Variants in AGBL3 observed in about 807,000 individuals in gnomAD.
The protein encoded by AGBL3 is AGBL carboxypeptidase 3, also known as cytosolic carboxypeptidase 3.
A neutral mutation model predicts 94.5 loss-of-function variants in AGBL3; 68 were observed. The observed-to-expected ratio is 0.72, with a 90% confidence interval of 0.59 to 0.88. The LOEUF is 0.88. Ranked by LOEUF, AGBL3 falls within the 40% of genes least tolerant of loss-of-function variation. AGBL3 has a pLI of 0.00. For missense variants in AGBL3, 934 were observed against 1,103.8 expected, an observed-to-expected ratio of 0.85 and a Z score of 2.18; for synonymous variants, 354 against 370.7, an observed-to-expected ratio of 0.95 and a Z score of 0.52.
intron 15 of AGBL3, among the ~76,000 whole-genome samples, chr7:135,112,525 C>T (rs1416786762): frequency 1.3e-5 from 2 of 152,198 alleles, no homozygotes; most frequent in Admixed American, 1.3e-4. Flanking sequence ...AGATGACTGT[C>T]CTTTTTTACT....
intron 15 of AGBL3, among the ~76,000 whole-genome samples, chr7:135,111,229 T>G (rs1825595905): frequency 6.6e-6 from 1 of 152,178 alleles, no homozygotes; most frequent in African/African-American, 2.4e-5. Flanking sequence ...GTGCTCTAGA[T>G]CCCATGTCCA....
chr7:135,067,855 G>C (rs1443327138), intron 12 of AGBL3, among the ~76,000 whole-genome samples: 1 of 152,196 alleles, frequency 6.6e-6, no homozygotes, highest in Non-Finnish European at 1.5e-5. Flanking sequence ...AAGGAACGCA[G>C]CTCCTCACCA....
intron 5 of AGBL3, among the ~76,000 whole-genome samples, 197 bp from the exon 6 acceptor site, chr7:135,032,647 C>T (rs10280894): frequency 0.027 from 4,154 of 152,002 alleles, 159 homozygotes; most frequent in African/African-American, 0.083. Flanking sequence ...AAGAAATATA[C>T]AAATTTATTT....
chr7:135,134,665 TA>T (rs200672886), intron 16 of AGBL3, among the ~76,000 whole-genome samples, 175 bp from the exon 17 acceptor site: 62 of 148,978 alleles, frequency 4.2e-4, no homozygotes, highest in South Asian at 6.3e-4. Flanking sequence ...GGAATAGTGC[TA>T]AAAAAAAAAT....
intron 11 of AGBL3, among the ~76,000 whole-genome samples, chr7:135,058,109 A>G (rs999442138): frequency 5.3e-5 from 8 of 152,198 alleles, no homozygotes; most frequent in East Asian, 1.9e-4. Flanking sequence ...TGTTTAATCA[A>G]TTGTAACAAA....
intron 12 of AGBL3, among the ~76,000 whole-genome samples, chr7:135,062,712 C>T (rs975461022): frequency 1.3e-5 from 2 of 152,116 alleles, no homozygotes; most frequent in African/African-American, 4.8e-5. Context: ...TGGGATGAAT[C>T]TCACTTGATC....
intron 15 of AGBL3, among the ~76,000 whole-genome samples, chr7:135,104,630 G>A (rs1824372436): frequency 6.6e-6 from 1 of 152,142 alleles, no homozygotes; most frequent in Admixed American, 6.5e-5. Flanking sequence ...TCTGACTGCT[G>A]TGAGATGGTA....
intron 5 of AGBL3, among the ~76,000 whole-genome samples, chr7:135,026,244 A>ATTATTTTATTTTATTTTATTTTTAT (rs1815088769): frequency 1.2e-5 from 1 of 81,464 alleles, no homozygotes; most frequent in Non-Finnish European, 2.7e-5. Context: ...AATGAATACC[A>ATTATTTTATTTTATTTTATTTTTAT]TTATTTTATT....
At chr7:135,007,583 C>T (rs1812551116) in intron 4 of AGBL3, among the ~76,000 whole-genome samples, 1 of 151,938 alleles carries the variant, frequency 6.6e-6, no homozygotes, top group Non-Finnish European at 1.5e-5. Flanking sequence ...AGACTAGATG[C>T]TTTCCCCATA....
At chr7:135,129,000 G>A in intron 16 of AGBL3, 1 of 1,599,750 alleles carries the variant, frequency 6.3e-7, no homozygotes, top group Non-Finnish European at 8.6e-7. Context: ...GTACTGCAAA[G>A]ACTGTCTGAA....
At chr7:134,991,613 C>G (rs528854160) in intron 3 of AGBL3, among the ~76,000 whole-genome samples, 1 of 152,204 alleles carries the variant, frequency 6.6e-6, no homozygotes, top group East Asian at 1.9e-4. Context: ...ACTGAGAACG[C>G]CTTGATCTCA....
chr7:135,130,054 A>T (rs1461594814), intron 16 of AGBL3, among the ~76,000 whole-genome samples: 1 of 152,184 alleles, frequency 6.6e-6, no homozygotes, highest in Non-Finnish European at 1.5e-5. Flanking sequence ...TGTCTCTGAG[A>T]AGCTTCCCTC....
chr7:135,095,837 G>T (rs1461126168), intron 15 of AGBL3, among the ~76,000 whole-genome samples: 1 of 152,116 alleles, frequency 6.6e-6, no homozygotes, highest in Non-Finnish European at 1.5e-5. Flanking sequence ...ACTTAAGTGT[G>T]TTGCAATCTG....
intron 15 of AGBL3, among the ~76,000 whole-genome samples, chr7:135,097,633 G>A (rs1585095632): frequency 6.6e-6 from 1 of 152,112 alleles, no homozygotes; most frequent in Non-Finnish European, 1.5e-5. Context: ...TTGCTAGCCT[G>A]TGACATTGAG....
chr7:134,997,097 G>A (rs774055559), intron 4 of AGBL3, among the ~76,000 whole-genome samples: 5 of 152,150 alleles, frequency 3.3e-5, no homozygotes, highest in Admixed American at 6.5e-5. Flanking sequence ...ATGGTTTTGG[G>A]ATGAAACTGT....
intron 15 of AGBL3, among the ~76,000 whole-genome samples, chr7:135,087,257 GT>G: frequency 6.6e-6 from 1 of 150,500 alleles, no homozygotes; most frequent in Non-Finnish European, 1.5e-5. Context: ...CTAATGTTTT[GT>G]TGATTTTATC....
In AGBL3 at chr7:135,088,376, C is replaced by A. The variant is rs150539184; in HGVS notation, c.2110+6586C>A. 2.0e-5 allele frequency among the ~76,000 whole-genome samples: 3 copies of A among 152,024 alleles called. No homozygotes were observed. In the East Asian group the frequency reaches 5.8e-4, roughly 29 times the overall value. On this transcript the variant is annotated intron_variant, in intron 15 of 16. Transcript: ENST00000436302. ...CTGGTTGTTTTGTACATCCATTGAT[C>A]CTTTCCTTCTCTCTTATTGTTTATC...
At chr7:135,120,691 C>A (rs1214641710) in intron 16 of AGBL3, among the ~76,000 whole-genome samples, 1 of 151,982 alleles carries the variant, frequency 6.6e-6, no homozygotes, top group East Asian at 1.9e-4. Context: ...TATGCAGTCA[C>A]AAGAAACTCA....
At chr7:134,998,091 G>A (rs1012971375) in intron 4 of AGBL3, among the ~76,000 whole-genome samples, 1 of 152,180 alleles carries the variant, frequency 6.6e-6, no homozygotes, top group African/African-American at 2.4e-5. Flanking sequence ...ACCTAAGGGA[G>A]AGGAATCATA....
Sources: gnomAD v4.1 joint callset for allele counts (sites outside exome capture counted in the v4.1 genomes callset) on GRCh38, gnomAD v4.1.1 for gene constraint, MANE v1.5 for transcripts, NCBI Gene and HGNC (gene_info 2026-07-23, HGNC 2026-07-21) for gene names.